Variants in RGL3 observed in about 807,000 individuals in gnomAD.
RGL3 encodes ral guanine nucleotide dissociation stimulator like 3.
RGL3 carries 85 observed loss-of-function variants against 90.6 expected under a neutral mutation model. That is an observed-to-expected ratio of 0.94 (90% CI 0.79 to 1.12). RGL3 has a LOEUF of 1.12. RGL3 is among the 50% of genes most tolerant of loss of function. RGL3 has a pLI of 0.00. For missense variants in RGL3, 1,034 were observed against 939.2 expected (o/e 1.10, Z -1.32); for synonymous variants, 408 against 385.5 (o/e 1.06, Z -0.68).
rs66711304 is a variant in RGL3 at position 11,396,100 on chromosome 19, A to ATCTC, written c.2014+1140_2014+1143dup. ...AGGCACATGCCACCATGCTCAGCTA[A>ATCTC]TCTCTCTCTCTCTCTCTCTCTCTCT... On this transcript the variant is annotated intron_variant, in intron 18 of 18. Coordinates refer to ENST00000380456, the MANE Select transcript of RGL3 (RefSeq NM_001035223.4). Among the ~76,000 whole-genome samples the ATCTC allele has an allele frequency of 2.0e-3, 67 of 33,928 alleles. 1 individual carries two copies. Among genetic ancestry groups the ATCTC allele is most frequent in the Middle Eastern group, 0.036 (1 of 28 alleles). 22.3% of individuals were successfully genotyped at this position (33,928 alleles called of 152,430 possible).
Position 11,405,217 on chromosome 19 carries a change from G to A in RGL3, c.1115C>T (p.Thr372Ile). The change falls in exon 9 of 19, where the codon ACT becomes ATT. Residue 372 changes from threonine (T) to isoleucine (I), a missense_variant. Transcript: ENST00000380456. The stretch of plus-strand genomic sequence containing the variant: ...GAAAATCTGCGAAAGTTTCCTGAAA[G>A]TAGATAGCGGTTCCCTGGAAGGACA... ...WGAVSREPLS[T>I]FRKLSQIFSD... The A allele has an allele frequency of 6.2e-7, 1 of 1,614,106 alleles. No homozygotes were observed. The highest frequency in any genetic ancestry group is 8.5e-7 in the Non-Finnish European group (1 of 1,179,984).
intron 9 of RGL3, among the ~76,000 whole-genome samples, chr19:11,403,813 C>T (rs1357297716): frequency 6.6e-6 from 1 of 152,022 alleles, no homozygotes; most frequent in African/African-American, 2.4e-5. Flanking sequence ...AATCCTTGTC[C>T]GCAGCTGGAT....
In RGL3 at chr19:11,397,255, G is replaced by T. The variant is rs767920869; in HGVS notation, c.2003C>A (p.Pro668His). The change falls in exon 18 of 19, where the codon CCT becomes CAT. Residue 668 changes from proline to histidine, a missense_variant. Transcript: ENST00000380456. ...CCATCCCTGCTCACCCCGGTCCCCA[G>T]GAAGGACTTGAAAGAGCTGATAGTC... ...ACDYQLFQVL[P>H]GDRVLLIPDN... 6.2e-7 allele frequency: 1 copy of T among 1,613,800 alleles called. No homozygotes were observed. Among genetic ancestry groups the T allele is most frequent in the East Asian group, 2.2e-5 (1 of 44,892 alleles).
chr19:11,394,933 T>C (rs1401920250), intron 18 of RGL3, among the ~76,000 whole-genome samples: 1 of 151,058 alleles, frequency 6.6e-6, no homozygotes, highest in Non-Finnish European at 1.5e-5. Flanking sequence ...CTACTAAAAA[T>C]ACCAAAAAAA....
intron 5 of RGL3, among the ~76,000 whole-genome samples, chr19:11,413,618 G>C (rs888486446): frequency 2.0e-5 from 3 of 151,374 alleles, no homozygotes; most frequent in African/African-American, 4.9e-5. Flanking sequence ...GTTGATGCTG[G>C]AGGATTGCTT....
Position 11,405,402 on chromosome 19 carries a change from A to G in RGL3, c.1021T>C (p.Ser341Pro). 2 of 1,543,258 alleles carry G rather than the reference A, an allele frequency of 1.3e-6. No homozygotes were observed. The highest frequency in any genetic ancestry group is 1.8e-6 in the Non-Finnish European group (2 of 1,138,622). Residue 341 changes from serine (S) to proline (P), a missense_variant, in exon 8 of 19, where the codon TCC becomes CCC. Transcript: ENST00000380456. The stretch of plus-strand genomic sequence containing the variant: ...GCGGACAGGATGGCGCGCAAGGAGG[A>G]GAAGTTCCGCAGTTCTCGGCAGCGC... ...AQRCRELRNF[S>P]SLRAILSALQ...
At position 11,397,506 on chromosome 19, in the gene RGL3, T is replaced by G. The variant is rs1968597318; in HGVS notation, c.1838A>C (p.Glu613Ala). The G allele has an allele frequency of 6.2e-7, 1 of 1,613,570 alleles. No individual in the cohort carries two copies. Among genetic ancestry groups the G allele is most frequent in the Admixed American group, 1.7e-5 (1 of 59,980 alleles). ...GATGCTGACGCGGATGACACGGGCC[T>G]CCGAGCTCTGCTGCGCCGGGAGGGG... is the stretch of plus-strand genomic sequence containing the variant. ...RIPLPAQQSS[E>A]ARVIRVSIDN... The change falls in exon 17 of 19, where the codon GAG (glutamate) becomes GCG (alanine). Residue 613 changes from glutamate (E) to alanine (A), a missense_variant. Glu to Ala is a moderately radical substitution (Grantham distance 107, BLOSUM62 -1). Transcript: ENST00000380456.
rs774162262 is a variant in RGL3, at chr19:11,418,663, C to G, written c.147+8G>C. On this transcript the variant is annotated splice_region_variant and intron_variant, in intron 2 of 18. Coordinates refer to ENST00000380456, the MANE Select transcript of RGL3 (RefSeq NM_001035223.4). ...GGCCCCGCGCCACCCACCAAACCCC[C>G]TCCTCACCTGGCTGCCCCCGGGGCC... is the stretch of plus-strand genomic sequence containing the variant. 7.8e-6 allele frequency: 12 copies of G among 1,540,636 alleles called. No individual in the cohort carries two copies. The South Asian group carries it at 9.5e-5, about 12-fold the overall frequency.
intron 16 of RGL3, 133 bp downstream of exon 16, chr19:11,399,722 C>T (rs375228818): frequency 9.3e-5 from 46 of 494,934 alleles, no homozygotes; most frequent in African/African-American, 4.4e-4. Context: ...ATACCCCGGG[C>T]GCTCAGTGTG....
intron 18 of RGL3, among the ~76,000 whole-genome samples, chr19:11,394,909 G>A (rs886249180): frequency 1.3e-5 from 2 of 151,924 alleles, no homozygotes; most frequent in African/African-American, 4.8e-5. Flanking sequence ...GGCCAACATG[G>A]TGAAACCCCG....
chr19:11,402,164 G>GGGCCCCCCCC, intron 12 of RGL3, 32 bp from the exon 13 acceptor site: 1 of 1,585,722 alleles, frequency 6.3e-7, no homozygotes, highest in Non-Finnish European at 8.6e-7. Flanking sequence ...CCCTACCCCT[G>GGGCCCCCCCC]CCCCACCCCC....
intron 16 of RGL3, among the ~76,000 whole-genome samples, chr19:11,399,060 TC>T (rs1968626048): frequency 6.6e-6 from 1 of 152,118 alleles, no homozygotes; most frequent in African/African-American, 2.4e-5. Flanking sequence ...ACTCAAGCGA[TC>T]CTTCCACCTC....
chr19:11,414,160 TATATATATATATATATAC>T lies in RGL3; in HGVS notation c.637+1759_637+1776del, dbSNP rs1188162791. ...ATATATATATATATATATATATATA[TATATATATATATATATAC>T]ACCTATATATATATACCTTTATATA... On this transcript the variant is annotated intron_variant, in intron 5 of 18. Coordinates refer to ENST00000380456, the MANE Select transcript of RGL3 (RefSeq NM_001035223.4). 2.7e-3 allele frequency among the ~76,000 whole-genome samples: 262 copies of T among 97,590 alleles called. 11 individuals carry two copies. Among genetic ancestry groups the T allele is most frequent in the African/African-American group, 9.3e-3 (238 of 25,542 alleles). 64.0% of individuals were successfully genotyped at this position (97,590 alleles called of 152,430 possible).
intron 11 of RGL3, 73 bp from the exon 12 acceptor site, chr19:11,402,320 T>G (rs910074565): frequency 6.2e-7 from 1 of 1,601,484 alleles, no homozygotes; most frequent in Non-Finnish European, 8.5e-7. Flanking sequence ...GGCTGGGATG[T>G]CAGGAGCCCC....
chr19:11,416,108 G>T lies in RGL3; in HGVS notation c.466C>A (p.Pro156Thr), dbSNP rs749961785. Residue 156 changes from proline (P) to threonine (T), a missense_variant, in exon 5 of 19, where the codon CCT becomes ACT. Transcript: ENST00000380456. ...SVLGSWLQDH[P>T]QDFRDHPAHS... ...GCAGGGTGGTCTCGGAAATCCTGAG[G>T]GTGGTCCTGCAGCCAGGAGCCCAGC... The T allele has an allele frequency of 6.9e-6, 11 of 1,599,914 alleles. No individual in the cohort carries two copies. Among genetic ancestry groups the T allele is most frequent in the Middle Eastern group, 1.8e-4 (1 of 5,564 alleles).
intron 5 of RGL3, among the ~76,000 whole-genome samples, chr19:11,410,527 A>T (rs928551756): frequency 6.6e-6 from 1 of 151,796 alleles, no homozygotes; most frequent in African/African-American, 2.4e-5. Flanking sequence ...ACATAAAAAA[A>T]TTTTTAAAGT....
Position 11,394,197 on chromosome 19 carries a change from C to G in RGL3, c.*205G>C. On this transcript the variant is annotated 3_prime_UTR_variant, in exon 19 of 19. Coordinates refer to ENST00000380456, the MANE Select transcript of RGL3 (RefSeq NM_001035223.4). The stretch of plus-strand genomic sequence containing the variant: ...TACATTTATGGGATTGAGCTCTCCA[C>G]CAGCCACCCATGGGCTGATGTCTTT... 1.8e-6 allele frequency: 1 copy of G among 554,014 alleles called. No homozygotes were observed. Among genetic ancestry groups the G allele is most frequent in the Non-Finnish European group, 3.3e-6 (1 of 304,344 alleles). The allele number at this position is 554,014 out of a possible 1,614,324, so 34.3% of individuals were successfully genotyped here.
rs932835365 is a variant in RGL3, at chr19:11,402,115, G to A, written c.1380C>T (p.Ala460=). ...AGCGCCTCTGCAGCTGCTGGATGCG[G>A]GCCAGGATCTCCCACTCCTGGAGGA... is the stretch of plus-strand genomic sequence containing the variant. The part of the protein sequence containing the change: ...EKRRKEWEIL[A]RIQQLQRRCQ... Residue 460 remains alanine, a synonymous_variant, in exon 13 of 19, where the codon GCC becomes GCT. Transcript: ENST00000380456. 1.0e-5 allele frequency: 16 copies of A among 1,606,250 alleles called. No homozygotes were observed. The highest frequency in any genetic ancestry group is 1.3e-5 in the Non-Finnish European group (15 of 1,176,342).
chr19:11,400,275 C>A lies in RGL3; in HGVS notation c.1507G>T (p.Glu503Ter). The A allele has an allele frequency of 6.3e-7, 1 of 1,594,034 alleles. No individual in the cohort carries two copies. Among genetic ancestry groups the A allele is most frequent in the Non-Finnish European group, 8.5e-7 (1 of 1,170,068 alleles). Residue 503 changes from glutamate to a stop codon, truncating the protein, a stop_gained, in exon 14 of 19, where the codon GAG (glutamate) becomes TAG (stop). Coordinates refer to ENST00000380456, the MANE Select transcript of RGL3 (RefSeq NM_001035223.4). LOFTEE classifies it high-confidence loss of function. Reference protein sequence around the residue: ...EQSYRLSRVIEPPAASCPSSP... With the variant: ...EQSYRLSRVI ...CTGGGGCAGGAGGCAGCTGGTGGCT[C>A]AATGACCCGGGAGAGCCGGTAGCTG...
Sources: allele counts gnomAD v4.1 joint callset (sites outside exome capture counted in the v4.1 genomes callset), GRCh38; gene constraint gnomAD v4.1.1; transcripts MANE v1.5; gene names NCBI Gene and HGNC (gene_info 2026-07-23, HGNC 2026-07-21).